Variants in CDK11B observed in about 807,000 individuals in gnomAD.
CDK11B encodes the protein cyclin-dependent kinase 11B.
CDK11B carries 37 observed loss-of-function variants against 84.0 expected under a neutral mutation model. The observed-to-expected ratio is 0.44, with a 90% CI of 0.34 to 0.58. The LOEUF (loss-of-function observed/expected upper bound fraction) is 0.58, where lower values mean the gene tolerates loss of function less well. Among genes scored for constraint, CDK11B ranks in the 20% least tolerant of loss-of-function variants. The pLI is 0.02. For missense variants in CDK11B, 427 were observed against 834.0 expected (o/e 0.51, Z 6.01); for synonymous variants, 269 against 309.8 (o/e 0.87, Z 1.38).
rs1298951284 is a variant in CDK11B, at chr1:1,650,046, G to A, written c.356-409C>T. Among the ~76,000 whole-genome samples, 411 of 150,862 alleles carry A rather than the reference G, an allele frequency of 2.7e-3. 5 individuals carry two copies. The highest frequency in any genetic ancestry group is 9.7e-3 in the African/African-American group (400 of 41,058). On this transcript the variant is annotated intron_variant, in intron 4 of 19. Coordinates refer to ENST00000341832, the MANE Select transcript of CDK11B (RefSeq NM_033486.3). ...TCCAGCACTCTGGGAGGCCGAGGTG[G>A]GCGGATCACAAGGTCAGATCGGGAC...
chr1:1,657,605 A>G lies in CDK11B; in HGVS notation c.-13-107T>C, dbSNP rs973193050. 1.2e-4 allele frequency: 107 copies of G among 901,186 alleles called. 1 individual carries two copies. Among genetic ancestry groups the G allele is most frequent in the Non-Finnish European group, 1.1e-4 (69 of 619,054 alleles). 55.8% of individuals were successfully genotyped at this position (901,186 alleles called of 1,614,324 possible). On this transcript the variant is annotated intron_variant, in intron 1 of 19. Transcript: ENST00000341832. ...GGATTCAGAATAAATCCTCATTAAG[A>G]ATAAGAAGTTGTGCCCGGCGCAGTG...
intron 5 of CDK11B, among the ~76,000 whole-genome samples, chr1:1,647,196 C>T (rs1290952496): frequency 6.6e-6 from 1 of 152,246 alleles, no homozygotes; most frequent in African/African-American, 2.4e-5. Context: ...TCTACTGCTC[C>T]ATCCACAAGT....
chr1:1,655,969 G>A (rs1334380517), intron 2 of CDK11B, among the ~76,000 whole-genome samples: 1 of 152,130 alleles, frequency 6.6e-6, no homozygotes, highest in Non-Finnish European at 1.5e-5. Context: ...AACCTGAGAT[G>A]AGAAATTTAA....
intron 4 of CDK11B, among the ~76,000 whole-genome samples, chr1:1,651,914 CT>C (rs1642066862): frequency 6.7e-6 from 1 of 149,568 alleles, no homozygotes; most frequent in Admixed American, 6.7e-5. Flanking sequence ...AGAGTTTGCT[CT>C]CTCTGGTTTT....
chr1:1,649,328 C>A (rs1170513671), intron 5 of CDK11B, among the ~76,000 whole-genome samples, 171 bp downstream of exon 5: 1 of 151,994 alleles, frequency 6.6e-6, no homozygotes, highest in African/African-American at 2.4e-5. Context: ...GTCTCCATCT[C>A]CTCACCTCAT....
chr1:1,641,298 C>G (rs527562726), intron 9 of CDK11B, among the ~76,000 whole-genome samples, 185 bp from the exon 10 acceptor site: 1 of 147,030 alleles, frequency 6.8e-6, no homozygotes, highest in African/African-American at 2.4e-5. Context: ...CACCTGAGGT[C>G]AGGAGTTCGA....
intron 3 of CDK11B, chr1:1,654,012 GCAACAA>G (rs140962435): frequency 2.3e-5 from 9 of 398,688 alleles, no homozygotes; most frequent in Admixed American, 1.5e-4. Context: ...CTGTGTCAAA[GCAACAA>G]CAACAACAAC....
At position 1,655,386 on chromosome 1, in the gene CDK11B, T is replaced by G. The variant is rs1482109985; in HGVS notation, c.210A>C (p.Glu70Asp). Reference protein sequence around the residue: ...ITIRNSPYRREDSMEDRGEED... With the variant: ...ITIRNSPYRRDDSMEDRGEED... Reference sequence around the variant, plus strand: ...CCGCTCACCTGTCTTCCATAGAGTCTTCTCTTCTATACGGGGAGTTCCTTA... The same window carrying G: ...CCGCTCACCTGTCTTCCATAGAGTCGTCTCTTCTATACGGGGAGTTCCTTA... The change falls in exon 3 of 20, where the codon GAA (glutamate) becomes GAC (aspartate). Residue 70 changes from glutamate (E) to aspartate (D), a missense_variant. Coordinates refer to ENST00000341832, the MANE Select transcript of CDK11B (RefSeq NM_033486.3). 1 of 1,613,612 alleles carries G rather than the reference T, an allele frequency of 6.2e-7. No homozygotes were observed. Among genetic ancestry groups the G allele is most frequent in the East Asian group, 2.2e-5 (1 of 44,884 alleles).
At chr1:1,636,162 G>C (rs1007185140) in intron 18 of CDK11B, 36 bp from the exon 19 acceptor site, 4 of 634,708 alleles carry the variant, frequency 6.3e-6, no homozygotes, top group Admixed American at 6.8e-5. Context: ...GGAGGTGCTC[G>C]TGTGCTCCAC....
intron 15 of CDK11B, 27 bp downstream of exon 15, chr1:1,637,054 G>A (rs1639440786): frequency 1.2e-6 from 2 of 1,613,406 alleles, no homozygotes; most frequent in Non-Finnish European, 8.5e-7. Flanking sequence ...GGTCTCCCTG[G>A]GATGGGCCAC....
At chr1:1,638,689 C>G in intron 11 of CDK11B, 99 bp from the exon 12 acceptor site, 1 of 1,278,410 alleles carries the variant, frequency 7.8e-7, no homozygotes, top group Admixed American at 1.8e-5. Flanking sequence ...GGGGCAGGTG[C>G]AGGGCAGAGC....
intron 3 of CDK11B, chr1:1,654,125 C>T (rs1450221384): frequency 2.2e-6 from 1 of 464,230 alleles, no homozygotes; most frequent in Non-Finnish European, 4.3e-6. Context: ...TTAAGCTTCT[C>T]AGGAAAACCA....
chr1:1,639,958 A>C (rs138267418), intron 11 of CDK11B, among the ~76,000 whole-genome samples: 1 of 145,072 alleles, frequency 6.9e-6, no homozygotes, highest in Non-Finnish European at 1.5e-5. Context: ...GTCAAGTGGA[A>C]GGCACTGCTC....
At position 1,635,608 on chromosome 1, in the gene CDK11B, T is replaced by C. The variant is rs1156620784; in HGVS notation, c.*156A>G. On this transcript the variant is annotated 3_prime_UTR_variant, in exon 20 of 20. Transcript: ENST00000341832. Reference sequence around the variant, plus strand: ...GCTCTTTCCTCCACAACAAGGAAAATGATTTAATTCTACAAATTTACAAAC... The same window carrying C: ...GCTCTTTCCTCCACAACAAGGAAAACGATTTAATTCTACAAATTTACAAAC... 3.3e-5 allele frequency: 15 copies of C among 451,318 alleles called. 2 individuals carry two copies. The Admixed American group carries it at 5.5e-4, about 16-fold the overall frequency. The allele number at this position is 451,318 out of a possible 1,614,324, so 28.0% of individuals were successfully genotyped here.
chr1:1,652,704 T>A (rs1384989501), intron 3 of CDK11B, 138 bp from the exon 4 acceptor site: 1 of 640,322 alleles, frequency 1.6e-6, no homozygotes, highest in African/African-American at 1.9e-5. Flanking sequence ...AAAAATTACA[T>A]TAATTCTCCA....
At chr1:1,650,307 A>G (rs1359941579) in intron 4 of CDK11B, among the ~76,000 whole-genome samples, 1 of 150,090 alleles carries the variant, frequency 6.7e-6, no homozygotes, top group African/African-American at 2.5e-5. Context: ...AGAACAGTAA[A>G]TATTTAAATA....
chr1:1,651,532 T>C (rs1477320462), intron 4 of CDK11B, among the ~76,000 whole-genome samples: 23 of 151,414 alleles, frequency 1.5e-4, no homozygotes, highest in African/African-American at 5.4e-4. Context: ...ACTCTCTCTA[T>C]AGCCCTTCTG....
chr1:1,650,268 C>CAAAAAAAAAAAAAAAAAAAAAAAAAAAA (rs1212256890), intron 4 of CDK11B, among the ~76,000 whole-genome samples: 4 of 45,782 alleles, frequency 8.7e-5, no homozygotes, highest in Non-Finnish European at 1.7e-4. Flanking sequence ...GACTCCGTCC[C>CAAAAAAAAAAAAAAAAAAAAAAAAAAAA]AAAAAAAAAA....
In CDK11B at chr1:1,637,822, C is replaced by T. The variant is rs375204557; in HGVS notation, c.1404G>A (p.Thr468=). The T allele has an allele frequency of 2.8e-4, 447 of 1,613,608 alleles. 1 individual carries two copies. The highest frequency in any genetic ancestry group is 3.5e-4 in the Non-Finnish European group (416 of 1,179,698). Residue 468 remains threonine, a synonymous_variant, in exon 13 of 20, where the codon ACG becomes ACA. Transcript: ENST00000341832. The stretch of plus-strand genomic sequence containing the variant: ...GGATGGTGTTGATCTCCCTCAGCGA[C>T]GTGATCGGGAAGCCCTCCTTCTCCT... ...MEKEKEGFPI[T]SLREINTILK...
Sources: allele counts gnomAD v4.1 joint callset (sites outside exome capture counted in the v4.1 genomes callset), GRCh38; gene constraint gnomAD v4.1.1; transcripts MANE v1.5; gene names NCBI Gene and HGNC (gene_info 2026-07-23, HGNC 2026-07-21).